The following TSPAN12 variants were observed in gnomAD, a reference collection of about 807,000 sequenced individuals.
TSPAN12 encodes tetraspanin 12.
A neutral mutation model predicts 39.2 loss-of-function variants in TSPAN12; 19 were observed. The ratio of observed to expected loss-of-function variants is 0.49; its 90% CI spans 0.34 to 0.71. TSPAN12 has a LOEUF of 0.71. Ranked by LOEUF, TSPAN12 falls within the 30% of genes least tolerant of loss-of-function variation. The pLI is 0.01. For synonymous variants in TSPAN12, 119 were observed against 124.8 expected (o/e 0.95, Z 0.31); for missense variants, 314 against 359.9 (o/e 0.87, Z 1.03).
intron 4 of TSPAN12, among the ~76,000 whole-genome samples, chr7:120,826,688 A>C (rs1006669234): frequency 2.6e-5 from 4 of 152,110 alleles, no homozygotes; most frequent in Admixed American, 6.6e-5. Flanking sequence ...CAAACAAAAG[A>C]GGGGAATGAG....
intron 4 of TSPAN12, among the ~76,000 whole-genome samples, chr7:120,824,993 A>G (rs1794257683): frequency 6.6e-6 from 1 of 152,216 alleles, no homozygotes; most frequent in South Asian, 2.1e-4. Flanking sequence ...AGAGGACTCT[A>G]TGATATACAT....
At chr7:120,829,458 C>T (rs903969298) in intron 4 of TSPAN12, among the ~76,000 whole-genome samples, 1 of 151,768 alleles carries the variant, frequency 6.6e-6, no homozygotes, top group Non-Finnish European at 1.5e-5. Flanking sequence ...TTAATTCTCT[C>T]AACTTTTACA....
At chr7:120,802,390 A>G (rs1463783707) in intron 7 of TSPAN12, among the ~76,000 whole-genome samples, 1 of 152,152 alleles carries the variant, frequency 6.6e-6, no homozygotes, top group Admixed American at 6.5e-5. Flanking sequence ...TCACCTCCTA[A>G]GAGGGCCTAT....
intron 2 of TSPAN12, among the ~76,000 whole-genome samples, chr7:120,854,592 TGTTA>T (rs942491871): frequency 3.3e-5 from 5 of 152,244 alleles, no homozygotes; most frequent in Non-Finnish European, 1.5e-5. Context: ...CTATTTTGTA[TGTTA>T]GTTAGATAGG....
chr7:120,831,170 G>GA (rs1366320393), intron 4 of TSPAN12, among the ~76,000 whole-genome samples: 1 of 151,820 alleles, frequency 6.6e-6, no homozygotes, highest in African/African-American at 2.4e-5. Flanking sequence ...GGCTGTGGGG[G>GA]AAAAAAATCC....
At chr7:120,817,818 T>A (rs1049203749) in intron 4 of TSPAN12, among the ~76,000 whole-genome samples, 1 of 152,064 alleles carries the variant, frequency 6.6e-6, no homozygotes, top group Non-Finnish European at 1.5e-5. Flanking sequence ...AGGGTGGGAG[T>A]ACCAGGTAGT....
chr7:120,826,786 G>C (rs1208839787), intron 4 of TSPAN12, among the ~76,000 whole-genome samples: 1 of 152,048 alleles, frequency 6.6e-6, no homozygotes, highest in African/African-American at 2.4e-5. Flanking sequence ...GCTGTGGCAT[G>C]ATCTCGGCTC....
rs1444753168 is a variant in TSPAN12 at position 120,810,589 on chromosome 7, A to C, written c.361-19T>G. The C allele has an allele frequency of 1.4e-6, 2 of 1,418,150 alleles. No homozygotes were observed. Among genetic ancestry groups the C allele is most frequent in the African/African-American group, 2.8e-5 (2 of 70,810 alleles). The allele number at this position is 1,418,150 out of a possible 1,614,324, so 87.8% of individuals were successfully genotyped here. On this transcript the variant is annotated intron_variant, in intron 5 of 7. Coordinates refer to ENST00000222747, the MANE Select transcript of TSPAN12 (RefSeq NM_012338.4). ...CTGGAACCTGGTGATAAAAAGCAAA[A>C]TATCAACAGCTGTAGCTCACACACA...
intron 7 of TSPAN12, among the ~76,000 whole-genome samples, chr7:120,806,137 T>C (rs902885153): frequency 6.6e-6 from 1 of 151,982 alleles, no homozygotes; most frequent in Non-Finnish European, 1.5e-5. Flanking sequence ...AGAGGTTCTT[T>C]TTTTTCCCCT....
intron 7 of TSPAN12, among the ~76,000 whole-genome samples, chr7:120,792,740 C>T (rs1241070640): frequency 6.6e-6 from 1 of 152,158 alleles, no homozygotes; most frequent in Non-Finnish European, 1.5e-5. Context: ...TTAGAAAATG[C>T]CATCGAACCG....
At chr7:120,805,742 T>C (rs1584928926) in intron 7 of TSPAN12, among the ~76,000 whole-genome samples, 1 of 152,180 alleles carries the variant, frequency 6.6e-6, no homozygotes, top group Non-Finnish European at 1.5e-5. Flanking sequence ...CAAGTGGCAG[T>C]TGAGCACTTG....
rs528863898 is a variant in TSPAN12 at position 120,820,202 on chromosome 7, G to A, written c.286-4399C>T. ...TTTCTGGAATGATGAAAAGTGCTCT[G>A]AATTTGGAGTTAGATTTAAGTTCAA... On this transcript the variant is annotated intron_variant, in intron 4 of 7. Transcript: ENST00000222747. 9.6e-4 allele frequency among the ~76,000 whole-genome samples: 146 copies of A among 152,192 alleles called. 2 individuals are homozygous for A. The highest frequency in any genetic ancestry group is 3.4e-4 in the Non-Finnish European group (23 of 67,988).
chr7:120,797,441 A>G (rs1793655000), intron 7 of TSPAN12, among the ~76,000 whole-genome samples: 1 of 152,250 alleles, frequency 6.6e-6, no homozygotes, highest in Non-Finnish European at 1.5e-5. Flanking sequence ...AGACTAGGTC[A>G]TTGGTCTATG....
intron 7 of TSPAN12, 115 bp from the exon 8 acceptor site, chr7:120,789,012 A>C: frequency 1.8e-6 from 2 of 1,092,564 alleles, no homozygotes; most frequent in South Asian, 1.3e-5. Flanking sequence ...CTGGGATCAT[A>C]AAGTTTAAGA....
rs181863214 is a variant in TSPAN12 at position 120,795,072 on chromosome 7, T to C, written c.613-6175A>G. On this transcript the variant is annotated intron_variant, in intron 7 of 7. Transcript: ENST00000222747. ...AGATATCTAGCTGCATAAACAAACA[T>C]TTCTGTAGAGTAAAAAGAGGAGGCA... is the stretch of plus-strand genomic sequence containing the variant. 2.1e-3 allele frequency among the ~76,000 whole-genome samples: 315 copies of C among 152,332 alleles called. 2 individuals are homozygous for C. The highest frequency in any genetic ancestry group is 3.4e-3 in the Non-Finnish European group (232 of 68,034).
At chr7:120,854,348 A>T (rs997963242) in intron 2 of TSPAN12, among the ~76,000 whole-genome samples, 5 of 152,224 alleles carry the variant, frequency 3.3e-5, no homozygotes, top group African/African-American at 4.8e-5. Flanking sequence ...TGATAGTAGC[A>T]ATCCACCTCC....
chr7:120,844,818 A>G (rs1367837087), intron 2 of TSPAN12, among the ~76,000 whole-genome samples: 1 of 152,142 alleles, frequency 6.6e-6, no homozygotes, highest in Non-Finnish European at 1.5e-5. Context: ...TGTGGTCTGG[A>G]GGAGAGTGGC....
intron 4 of TSPAN12, among the ~76,000 whole-genome samples, chr7:120,836,650 T>C (rs1170678789): frequency 1.3e-5 from 2 of 152,098 alleles, no homozygotes; most frequent in Non-Finnish European, 1.5e-5. Flanking sequence ...ATAGCAAAAA[T>C]TGGTGGTATA....
At chr7:120,846,912 G>A (rs1794680228) in intron 2 of TSPAN12, among the ~76,000 whole-genome samples, 1 of 152,162 alleles carries the variant, frequency 6.6e-6, no homozygotes, top group South Asian at 2.1e-4. Flanking sequence ...AGGAAAAGGA[G>A]GGTTGAAAAT....
Sources: gnomAD v4.1 joint callset for allele counts (sites outside exome capture counted in the v4.1 genomes callset) on GRCh38, gnomAD v4.1.1 for gene constraint, MANE v1.5 for transcripts, NCBI Gene and HGNC (gene_info 2026-07-23, HGNC 2026-07-21) for gene names.